Variants in ACACA observed in about 807,000 individuals in gnomAD.
ACACA encodes acetyl-CoA carboxylase alpha, also known as acetyl-CoA carboxylase 1.
A neutral mutation model predicts 296.1 loss-of-function variants in ACACA; 103 were observed. The ratio of observed to expected loss-of-function variants is 0.35; its 90% CI spans 0.30 to 0.41. ACACA has a LOEUF of 0.41. ACACA is among the 10% of genes least tolerant of loss of function. The pLI is 1.00. For synonymous variants in ACACA, 953 were observed against 1,038.6 expected (o/e 0.92, Z 1.58); for missense variants, 1,554 against 2,989.7 (o/e 0.52, Z 11.20).
intron 1 of ACACA, among the ~76,000 whole-genome samples, chr17:37,372,039 A>C (rs1481276557): frequency 6.6e-6 from 1 of 152,210 alleles, no homozygotes; most frequent in Non-Finnish European, 1.5e-5. Context: ...CAACATACTG[A>C]GACCCTGCCT....
At chr17:37,254,419 T>C (rs2081133000) in intron 14 of ACACA, among the ~76,000 whole-genome samples, 1 of 152,202 alleles carries the variant, frequency 6.6e-6, no homozygotes, top group South Asian at 2.1e-4. Flanking sequence ...GACTTACTTC[T>C]ACAAACTTCA....
rs9895266 is a variant in ACACA, at chr17:37,222,310, C to T, written c.3565-468G>A. On this transcript the variant is annotated intron_variant, in intron 28 of 55. Coordinates refer to ENST00000616317, the MANE Select transcript of ACACA (RefSeq NM_198834.3). ...CTCTTTTACTATCTCATGTCTTTGT[C>T]TTGCGTCCTCCCCGACTTCCCCACC... 9.7e-3 allele frequency among the ~76,000 whole-genome samples: 1,477 copies of T among 152,234 alleles called. 21 individuals are homozygous for T. The highest frequency in any genetic ancestry group is 0.034 in the African/African-American group (1,405 of 41,506).
intron 14 of ACACA, among the ~76,000 whole-genome samples, chr17:37,254,796 C>T (rs987579083): frequency 1.3e-5 from 2 of 150,858 alleles, no homozygotes; most frequent in African/African-American, 2.4e-5. Flanking sequence ...CCAGCCTGGC[C>T]GACATGGTGA....
At chr17:37,386,148 G>C (rs760966325) in intron 1 of ACACA, 24 of 1,439,036 alleles carry the variant, frequency 1.7e-5, no homozygotes, top group Admixed American at 1.3e-4. Context: ...GCTTTGAAAT[G>C]ACAAAGTACA....
chr17:37,214,264 C>T (rs1439119606), intron 29 of ACACA, among the ~76,000 whole-genome samples: 1 of 152,234 alleles, frequency 6.6e-6, no homozygotes, highest in Non-Finnish European at 1.5e-5. Context: ...TAAAACACAT[C>T]TGAACCACGT....
chr17:37,318,820 T>G (rs2047212757), intron 3 of ACACA, among the ~76,000 whole-genome samples: 1 of 152,196 alleles, frequency 6.6e-6, no homozygotes, highest in Admixed American at 6.5e-5. Flanking sequence ...TAAAGTCATT[T>G]CAAACTCAAG....
intron 22 of ACACA, among the ~76,000 whole-genome samples, chr17:37,242,569 A>C (rs2080468436): frequency 6.6e-6 from 1 of 151,914 alleles, no homozygotes; most frequent in African/African-American, 2.4e-5. Context: ...TCTCTATAAA[A>C]ATTTTTTAAA....
chr17:37,377,893 A>G, intron 1 of ACACA: 1 of 1,611,266 alleles, frequency 6.2e-7, no homozygotes, highest in Non-Finnish European at 8.5e-7. Context: ...CAGAGATAGC[A>G]GTTGCCGACT....
chr17:37,089,861 TCTTTACAAATCATTTA>T, intron 54 of ACACA, among the ~76,000 whole-genome samples: 1 of 152,354 alleles, frequency 6.6e-6, no homozygotes, highest in Non-Finnish European at 1.5e-5. Context: ...CCTCTCATTT[TCTTTACAAATCATTTA>T]GGAATCGTTT....
chr17:37,113,875 T>C lies in ACACA; in HGVS notation c.6275-610A>G, dbSNP rs375383416. On this transcript the variant is annotated intron_variant, in intron 50 of 55. Coordinates refer to ENST00000616317, the MANE Select transcript of ACACA (RefSeq NM_198834.3). The surrounding 1 kb of genome is among the most constrained non-coding windows in gnomAD (Gnocchi z 4.0). ...AATTAGTTATATACTCTGGAAAGAA[T>C]ATAATGAGAAAGAAAGACAAATTCT... Among the ~76,000 whole-genome samples, 8 of 152,212 alleles carry C rather than the reference T, an allele frequency of 5.3e-5. No individual in the cohort carries two copies. Among genetic ancestry groups the C allele is most frequent in the East Asian group, 1.9e-4 (1 of 5,204 alleles).
chr17:37,179,235 G>A (rs770116564), intron 41 of ACACA, 25 bp downstream of exon 41: 2 of 1,614,080 alleles, frequency 1.2e-6, no homozygotes, highest in East Asian at 2.2e-5. Context: ...AGATAAGAAA[G>A]GGAAGGGGGG....
chr17:37,108,413 G>A (rs986307408), intron 52 of ACACA, among the ~76,000 whole-genome samples: 5 of 151,360 alleles, frequency 3.3e-5, no homozygotes, highest in African/African-American at 7.3e-5. Context: ...TTAAAGACAG[G>A]GATTTGCTCT....
intron 5 of ACACA, among the ~76,000 whole-genome samples, chr17:37,279,838 T>G (rs116912689): frequency 0.013 from 2,034 of 152,194 alleles, 28 homozygotes; most frequent in East Asian, 0.048. Flanking sequence ...ACAACCAGTT[T>G]ATGCTTTACT....
intron 47 of ACACA, among the ~76,000 whole-genome samples, chr17:37,128,327 C>T (rs1180376550): frequency 2.0e-5 from 3 of 152,058 alleles, no homozygotes; most frequent in Non-Finnish European, 2.9e-5. Context: ...TAAGAGAGGT[C>T]GTAAGTGCAA....
At chr17:37,162,165 T>C in intron 41 of ACACA, 115 bp from the exon 42 acceptor site, 3 of 1,168,246 alleles carry the variant, frequency 2.6e-6, no homozygotes, top group Admixed American at 3.9e-5. Context: ...AAGATACACA[T>C]TGCTAAAGAG....
chr17:37,390,031 A>G (rs896349333), intron 1 of ACACA, among the ~76,000 whole-genome samples: 1 of 144,538 alleles, frequency 6.9e-6, no homozygotes, highest in African/African-American at 2.6e-5. Context: ...CATGCCTGCA[A>G]TCCCAGTGCT....
At chr17:37,099,905 G>T (rs1405334063) in intron 52 of ACACA, among the ~76,000 whole-genome samples, 1 of 152,150 alleles carries the variant, frequency 6.6e-6, no homozygotes, top group Non-Finnish European at 1.5e-5. Flanking sequence ...CTCAAAAAAC[G>T]ATTGAGACAT....
At chr17:37,396,424 C>T (rs1214864661) in intron 1 of ACACA, among the ~76,000 whole-genome samples, 6 of 151,866 alleles carry the variant, frequency 4.0e-5, no homozygotes, top group Non-Finnish European at 7.4e-5. Flanking sequence ...TTTAGATAAA[C>T]CCATAATCTC....
chr17:37,158,622 C>A (rs1231064622), intron 42 of ACACA, among the ~76,000 whole-genome samples: 1 of 151,956 alleles, frequency 6.6e-6, no homozygotes, highest in African/African-American at 2.4e-5. Flanking sequence ...ACAGTGAGAC[C>A]CTGTCTCAAA....
Sources: allele counts gnomAD v4.1 joint callset (sites outside exome capture counted in the v4.1 genomes callset), GRCh38; gene constraint gnomAD v4.1.1; non-coding constraint Gnocchi (gnomAD v3.1); transcripts MANE v1.5; gene names NCBI Gene and HGNC (gene_info 2026-07-23, HGNC 2026-07-21).